The following ZNF716 variants were observed in gnomAD, a reference collection of about 807,000 sequenced individuals.
The protein encoded by ZNF716 is zinc finger protein 716.
A neutral mutation model predicts 13.4 loss-of-function variants in ZNF716; 9 were observed. The observed-to-expected ratio is 0.67, with a 90% CI of 0.41 to 1.18. The LOEUF (loss-of-function observed/expected upper bound fraction) is 1.18, where lower values mean the gene tolerates loss of function less well. Among genes scored for constraint, ZNF716 ranks in the 50% most tolerant of loss-of-function variants. The pLI is 0.01. For synonymous variants in ZNF716, 186 were observed against 195.2 expected, an observed-to-expected ratio of 0.95 and a Z score of 0.39; for missense variants, 581 against 576.6, an observed-to-expected ratio of 1.01 and a Z score of -0.08.
intron 1 of ZNF716, among the ~76,000 whole-genome samples, chr7:57,458,896 T>C (rs1371276405): frequency 6.6e-6 from 1 of 152,220 alleles, no homozygotes; most frequent in South Asian, 2.1e-4. Context: ...TTGAGATCTT[T>C]CTAACTTGTT....
At chr7:57,451,338 A>ATT (rs1264738148) in intron 1 of ZNF716, among the ~76,000 whole-genome samples, 13 of 143,006 alleles carry the variant, frequency 9.1e-5, no homozygotes, top group African/African-American at 3.1e-4. Flanking sequence ...TTTGAGATAG[A>ATT]TTTTTTTTTT....
At chr7:57,463,680 T>G (rs1287095587) in intron 3 of ZNF716, among the ~76,000 whole-genome samples, 2 of 143,340 alleles carry the variant, frequency 1.4e-5, no homozygotes, top group Non-Finnish European at 2.9e-5. Context: ...ATCCATGTAT[T>G]TATTTATTTA....
rs1249947212 is a variant in ZNF716, at chr7:57,471,988, A to C, written c.*2039A>C. On this transcript the variant is annotated 3_prime_UTR_variant, in exon 4 of 4. Transcript: ENST00000420713. ...TGAAAAGCAAATAGTAATGTAACTC[A>C]CATTTCAAATTACTTCATGTTGATC... The C allele has an allele frequency of 1.3e-5, 2 of 152,330 alleles. No individual in the cohort carries two copies. Among genetic ancestry groups the C allele is most frequent in the Non-Finnish European group, 2.9e-5 (2 of 68,016 alleles). 9.4% of individuals were successfully genotyped at this position (152,330 alleles called of 1,614,324 possible).
At chr7:57,450,545 G>A (rs1789468033) in intron 1 of ZNF716, among the ~76,000 whole-genome samples, 1 of 152,098 alleles carries the variant, frequency 6.6e-6, no homozygotes, top group Non-Finnish European at 1.5e-5. Flanking sequence ...CCTCTGCAGT[G>A]GCTTTGCCCT....
chr7:57,468,859 G>A lies in ZNF716; in HGVS notation c.398G>A (p.Gly133Asp). 1 of 1,613,664 alleles carries A rather than the reference G, an allele frequency of 6.2e-7. No individual in the cohort carries two copies. ...GTAAAAAAATGCTGTAAAAGTGTAG[G>A]TGAGTGTGAGGTGCACAAAGGAGGT... Reference protein sequence around the residue: ...LQVKKCCKSVGECEVHKGGYN... With the variant: ...LQVKKCCKSVDECEVHKGGYN... Residue 133 changes from glycine to aspartate, a missense_variant, in exon 4 of 4, where the codon GGT (glycine) becomes GAT (aspartate). Gly to Asp is a moderately conservative substitution (Grantham distance 94, BLOSUM62 -1). Transcript: ENST00000420713.
chr7:57,453,565 C>G (rs1207237660), intron 1 of ZNF716, among the ~76,000 whole-genome samples: 1 of 152,236 alleles, frequency 6.6e-6, no homozygotes, highest in Non-Finnish European at 1.5e-5. Context: ...TTCACATTTG[C>G]CCTTTTCTTT....
At chr7:57,464,122 CTTT>C (rs71065117) in intron 3 of ZNF716, among the ~76,000 whole-genome samples, 2 of 125,844 alleles carry the variant, frequency 1.6e-5, no homozygotes, top group Non-Finnish European at 1.6e-5. Context: ...TTTCTTTTTT[CTTT>C]TTTTTTTTTT....
intron 1 of ZNF716, among the ~76,000 whole-genome samples, chr7:57,459,791 AG>A (rs1228970058): frequency 6.6e-6 from 1 of 152,160 alleles, no homozygotes; most frequent in South Asian, 2.1e-4. Flanking sequence ...GGTGTCTGAT[AG>A]GGGAGGGCAG....
At chr7:57,450,351 G>A in intron 1 of ZNF716, 24 bp downstream of exon 1, 2 of 1,603,580 alleles carry the variant, frequency 1.2e-6, no homozygotes, top group Non-Finnish European at 1.7e-6. Flanking sequence ...CTGTCACCGT[G>A]AGAGAGGGGT....
intron 1 of ZNF716, among the ~76,000 whole-genome samples, chr7:57,453,919 G>A (rs1280884168): frequency 1.3e-5 from 2 of 152,080 alleles, no homozygotes; most frequent in Admixed American, 6.6e-5. Context: ...TGCAACCTCC[G>A]ACTCCCGGGT....
intron 2 of ZNF716, 136 bp downstream of exon 2, chr7:57,462,722 A>G (rs1789731318): frequency 9.2e-7 from 1 of 1,081,350 alleles, no homozygotes; most frequent in East Asian, 2.4e-5. Context: ...TCATTGGTAT[A>G]TAGCAAATTC....
rs1789869883 is a variant in ZNF716, at chr7:57,469,120, A to G, written c.659A>G (p.Lys220Arg). The change falls in exon 4 of 4, where the codon AAA becomes AGA. Residue 220 changes from lysine to arginine, a missense_variant. Lys to Arg is a conservative substitution (Grantham distance 26, BLOSUM62 2). Coordinates refer to ENST00000420713, the MANE Select transcript of ZNF716 (RefSeq NM_001159279.1). ...EKSYKCEECGKSFNCSSTLTR... is the reference protein window; with the variant it reads ...EKSYKCEECGRSFNCSSTLTR... ...TCTTACAAATGTGAAGAATGTGGCA[A>G]ATCCTTTAACTGCTCTTCAACCCTT... The G allele has an allele frequency of 3.7e-6, 6 of 1,609,428 alleles. No individual in the cohort carries two copies. In the East Asian group the frequency reaches 1.3e-4, roughly 36 times the overall value.
At chr7:57,454,485 G>A (rs2116404600) in intron 1 of ZNF716, among the ~76,000 whole-genome samples, 1 of 152,236 alleles carries the variant, frequency 6.6e-6, no homozygotes, top group East Asian at 1.9e-4. Flanking sequence ...GATTATTGAA[G>A]GCCTAGTCAG....
chr7:57,459,024 T>A (rs1200639131), intron 1 of ZNF716, among the ~76,000 whole-genome samples: 3 of 152,248 alleles, frequency 2.0e-5, no homozygotes, highest in Non-Finnish European at 4.4e-5. Context: ...ATTTCTGGCT[T>A]AATTTCATTA....
intron 3 of ZNF716, among the ~76,000 whole-genome samples, chr7:57,467,556 A>C (rs1409008882): frequency 6.6e-6 from 1 of 152,034 alleles, no homozygotes; most frequent in Non-Finnish European, 1.5e-5. Flanking sequence ...CTGATCTGCA[A>C]GGTTTCTGTT....
At chr7:57,459,315 T>C (rs1554322628) in intron 1 of ZNF716, among the ~76,000 whole-genome samples, 4 of 151,612 alleles carry the variant, frequency 2.6e-5, no homozygotes, top group Non-Finnish European at 5.9e-5. Flanking sequence ...TTAGTACATG[T>C]GTACAGGTTT....
At chr7:57,458,269 C>G (rs543669912) in intron 1 of ZNF716, among the ~76,000 whole-genome samples, 1 of 152,306 alleles carries the variant, frequency 6.6e-6, no homozygotes, top group Admixed American at 6.5e-5. Flanking sequence ...TATACTCTCA[C>G]CAGCAGCGTA....
chr7:57,463,248 C>A, intron 3 of ZNF716, 80 bp downstream of exon 3: 1 of 1,562,498 alleles, frequency 6.4e-7, no homozygotes, highest in South Asian at 1.2e-5. Flanking sequence ...AAAATGTGGT[C>A]TGGGGAGCTG....
At chr7:57,464,122 C>CTTTTTTTTTTTTT (rs71065117) in intron 3 of ZNF716, among the ~76,000 whole-genome samples, 1 of 125,840 alleles carries the variant, frequency 7.9e-6, no homozygotes, top group Non-Finnish European at 1.6e-5. Context: ...TTTCTTTTTT[C>CTTTTTTTTTTTTT]TTTTTTTTTT....
Sources: allele counts gnomAD v4.1 joint callset (sites outside exome capture counted in the v4.1 genomes callset), GRCh38; gene constraint gnomAD v4.1.1; transcripts MANE v1.5; gene names NCBI Gene and HGNC (gene_info 2026-07-23, HGNC 2026-07-21).